The following DCAF10 variants were observed in gnomAD, a reference collection of about 807,000 sequenced individuals.
The protein encoded by DCAF10 is DDB1 and CUL4 associated factor 10.
Under a neutral mutation model 51.9 loss-of-function variants are expected in DCAF10, and 19 were observed. The observed-to-expected ratio is 0.37, with a 90% confidence interval of 0.26 to 0.54. The LOEUF is 0.54. Among genes scored for constraint, DCAF10 ranks in the 20% least tolerant of loss-of-function variants. The pLI, the probability that DCAF10 is intolerant of heterozygous loss-of-function variation, is 0.87. For missense variants in DCAF10, 510 were observed against 730.6 expected (o/e 0.70, Z 3.48); for synonymous variants, 291 against 297.1 (o/e 0.98, Z 0.21).
At chr9:37,832,144 A>T (rs1830026475) in intron 2 of DCAF10, 6 of 129,872 alleles carry the variant, frequency 4.6e-5, no homozygotes, top group Admixed American at 4.6e-4. Flanking sequence ...TGAACCATCT[A>T]AAAAAAAATA....
chr9:37,830,134 A>G (rs1292591721), intron 2 of DCAF10, among the ~76,000 whole-genome samples: 3 of 152,244 alleles, frequency 2.0e-5, no homozygotes, highest in Non-Finnish European at 4.4e-5. Flanking sequence ...GGAAATATTA[A>G]TAGATAAATA....
At chr9:37,823,042 C>T (rs1829752515) in intron 2 of DCAF10, among the ~76,000 whole-genome samples, 1 of 152,094 alleles carries the variant, frequency 6.6e-6, no homozygotes. Flanking sequence ...TTACCTTTTA[C>T]ACTATTGATA....
chr9:37,816,240 G>A (rs555893040), intron 1 of DCAF10, among the ~76,000 whole-genome samples: 8 of 152,360 alleles, frequency 5.3e-5, no homozygotes, highest in African/African-American at 1.9e-4. Flanking sequence ...AATAAATGGA[G>A]ATAGATTATG....
intron 6 of DCAF10, among the ~76,000 whole-genome samples, chr9:37,860,715 AAG>A (rs1453098369): frequency 1.3e-5 from 2 of 152,210 alleles, no homozygotes; most frequent in African/African-American, 2.4e-5. Flanking sequence ...TCTGGAAAGC[AAG>A]AGTCTTCCAA....
intron 6 of DCAF10, chr9:37,860,496 C>A (rs2118200373): frequency 4.8e-6 from 1 of 206,430 alleles, no homozygotes. Flanking sequence ...TCACCCTAAA[C>A]AAACAAACAA....
chr9:37,849,803 C>T (rs1830580944), intron 3 of DCAF10, among the ~76,000 whole-genome samples: 1 of 152,074 alleles, frequency 6.6e-6, no homozygotes, highest in African/African-American at 2.4e-5. Context: ...TCGCTTGAAC[C>T]TGGGAGGCGG....
chr9:37,815,570 G>A (rs1369967465), intron 1 of DCAF10, among the ~76,000 whole-genome samples: 5 of 152,014 alleles, frequency 3.3e-5, no homozygotes, highest in South Asian at 2.1e-4. Flanking sequence ...ACTTGAACCC[G>A]GGAGGCGGAG....
In DCAF10 at chr9:37,801,435, C is replaced by T; in HGVS notation, c.539+30C>T. The T allele has an allele frequency of 1.4e-6, 2 of 1,408,622 alleles. No individual in the cohort carries two copies. The highest frequency in any genetic ancestry group is 1.9e-6 in the Non-Finnish European group (2 of 1,080,030). The allele number at this position is 1,408,622 out of a possible 1,614,324, so 87.3% of individuals were successfully genotyped here. ...GCGCGGCCCCTCGGAGGGCGGGCGC[C>T]CGCCTCCGCCCGGCTCTGCTGCCAG... is the stretch of plus-strand genomic sequence containing the variant. On this transcript the variant is annotated intron_variant, in intron 1 of 6. Transcript: ENST00000377724. This position sits in a 1 kb window ranked among gnomAD's most constrained non-coding sequence, Gnocchi z 5.5.
chr9:37,816,904 A>T (rs1829557332), intron 1 of DCAF10, among the ~76,000 whole-genome samples: 1 of 152,220 alleles, frequency 6.6e-6, no homozygotes, highest in African/African-American at 2.4e-5. Flanking sequence ...ACAGAACCTG[A>T]CATGGTATAT....
chr9:37,836,591 G>T (rs1830171713), intron 2 of DCAF10, among the ~76,000 whole-genome samples: 2 of 152,074 alleles, frequency 1.3e-5, no homozygotes, highest in Middle Eastern at 3.4e-3. Flanking sequence ...ACTCTTTTTT[G>T]TACATGTCAT....
intron 1 of DCAF10, among the ~76,000 whole-genome samples, chr9:37,816,391 C>A (rs1447805818): frequency 6.6e-6 from 1 of 152,108 alleles, no homozygotes; most frequent in Admixed American, 6.5e-5. Flanking sequence ...GAGTTAGAGA[C>A]CAGCCTGGCT....
At position 37,861,098 on chromosome 9, in the gene DCAF10, T is replaced by G. The variant is rs1347001784; in HGVS notation, c.1312-42T>G. ...AATAAGGAATATCTGTAGCACTATT[T>G]GGGCTCTGTAACCTTGGTTTGTCTC... On this transcript the variant is annotated intron_variant, in intron 6 of 6. Transcript: ENST00000377724. The surrounding 1 kb of genome is among the most constrained non-coding windows in gnomAD (Gnocchi z 4.9). 1.3e-6 allele frequency: 2 copies of G among 1,567,950 alleles called. No homozygotes were observed. Among genetic ancestry groups the G allele is most frequent in the African/African-American group, 2.7e-5 (2 of 73,530 alleles).
At chr9:37,807,658 CTTTTTTTTT>C (rs5897701) in intron 1 of DCAF10, among the ~76,000 whole-genome samples, 1 of 72,558 alleles carries the variant, frequency 1.4e-5, no homozygotes, top group Admixed American at 1.8e-4. Flanking sequence ...CTTTTCTTTT[CTTTTTTTTT>C]TTTTTTTTTT....
At chr9:37,838,633 G>A (rs762477456) in intron 2 of DCAF10, among the ~76,000 whole-genome samples, 19 of 152,118 alleles carry the variant, frequency 1.2e-4, no homozygotes, top group Admixed American at 7.2e-4. Context: ...GCTCACTCCT[G>A]TAATCCCAGC....
intron 2 of DCAF10, among the ~76,000 whole-genome samples, chr9:37,834,001 G>A (rs550632950): frequency 6.6e-6 from 1 of 152,228 alleles, no homozygotes; most frequent in South Asian, 2.1e-4. Context: ...GTGCAGTGGT[G>A]CGATCTCGGC....
chr9:37,824,296 T>C (rs1179595881), intron 2 of DCAF10, among the ~76,000 whole-genome samples: 1 of 152,178 alleles, frequency 6.6e-6, no homozygotes, highest in African/African-American at 2.4e-5. Context: ...AACAAATAGA[T>C]TGTATGCACG....
intron 1 of DCAF10, among the ~76,000 whole-genome samples, chr9:37,810,396 G>A (rs7029969): frequency 6.6e-6 from 1 of 151,946 alleles, no homozygotes; most frequent in East Asian, 1.9e-4. Context: ...TTCTCTGAGA[G>A]ACATCTGTCA....
intron 1 of DCAF10, among the ~76,000 whole-genome samples, chr9:37,818,859 T>C (rs1310234372): frequency 6.6e-6 from 1 of 152,210 alleles, no homozygotes; most frequent in African/African-American, 2.4e-5. Flanking sequence ...TTCAAAGTAT[T>C]GTGTACTATG....
chr9:37,830,057 A>C (rs1362292325), intron 2 of DCAF10, among the ~76,000 whole-genome samples: 1 of 151,724 alleles, frequency 6.6e-6, no homozygotes, highest in African/African-American at 2.4e-5. Flanking sequence ...ACACGGAGGT[A>C]TATGAAGAAG....
Sources: allele counts gnomAD v4.1 joint callset (sites outside exome capture counted in the v4.1 genomes callset), GRCh38; gene constraint gnomAD v4.1.1; non-coding constraint Gnocchi (gnomAD v3.1); transcripts MANE v1.5; gene names NCBI Gene and HGNC (gene_info 2026-07-23, HGNC 2026-07-21).